The following PHF24 variants were observed in gnomAD, a reference collection of about 807,000 sequenced individuals.
PHF24 encodes the protein Galpha inhibitory interacting protein.
A neutral mutation model predicts 42.6 loss-of-function variants in PHF24; 25 were observed. That is an observed-to-expected ratio of 0.59 (90% CI 0.43 to 0.82). PHF24 has a LOEUF of 0.82. Among genes scored for constraint, PHF24 ranks in the 40% least tolerant of loss-of-function variants. PHF24 has a pLI of 0.00. For synonymous variants in PHF24, 185 were observed against 204.8 expected (o/e 0.90, Z 0.83); for missense variants, 470 against 538.1 (o/e 0.87, Z 1.25).
chr9:34,698,448 G>A, the PHF24 span, among the ~76,000 whole-genome samples: 1 of 152,158 alleles, frequency 6.6e-6, no homozygotes, highest in Non-Finnish European at 1.5e-5. Flanking sequence ...ATGTACTACT[G>A]CAAAATGGCT....
At chr9:34,727,924 CA>C in the PHF24 span, 2 of 1,141,484 alleles carry the variant, frequency 1.8e-6, no homozygotes, top group African/African-American at 1.6e-5. Flanking sequence ...GTCTCCCTCC[CA>C]GCCATTATCT....
At chr9:34,715,995 A>C in the PHF24 span, among the ~76,000 whole-genome samples, 106 of 152,308 alleles carry the variant, frequency 7.0e-4, 2 homozygotes, top group South Asian at 0.022. Context: ...ATTTCAGCTC[A>C]AGGGCTAGGC....
intron 1 of PHF24, among the ~76,000 whole-genome samples, chr9:34,968,777 T>C (rs1296345473): frequency 1.3e-5 from 2 of 152,244 alleles, no homozygotes; most frequent in Non-Finnish European, 2.9e-5. Context: ...TCTATTCTGT[T>C]AGATGCTTAA....
chr9:34,863,333 G>T, the PHF24 span, among the ~76,000 whole-genome samples: 1 of 152,066 alleles, frequency 6.6e-6, no homozygotes, highest in Non-Finnish European at 1.5e-5. Flanking sequence ...ACCCAGTGCC[G>T]TGGTGGCTTC....
chr9:34,718,079 A>G, the PHF24 span, among the ~76,000 whole-genome samples: 1 of 152,150 alleles, frequency 6.6e-6, no homozygotes, highest in East Asian at 1.9e-4. Flanking sequence ...ATTTACCGCA[A>G]GGAGGGCTTC....
chr9:34,977,129 G>A (rs574066187), exon 6 of PHF24: 12 of 1,613,154 alleles, frequency 7.4e-6, no homozygotes, highest in East Asian at 2.2e-5. Flanking sequence ...GAGCGAGCCC[G>A]AGCCGCCTTC....
chr9:34,771,664 G>A, the PHF24 span, among the ~76,000 whole-genome samples: 1 of 151,004 alleles, frequency 6.6e-6, no homozygotes, highest in African/African-American at 2.4e-5. Context: ...ATGTGTAGAT[G>A]TGTGTAACCA....
intron 1 of PHF24, among the ~76,000 whole-genome samples, chr9:34,962,078 C>T (rs1043772169): frequency 6.6e-6 from 1 of 152,206 alleles, no homozygotes; most frequent in Non-Finnish European, 1.5e-5. Context: ...ACTCACTGGT[C>T]AGCGCTGGAA....
At chr9:34,680,705 A>C in the PHF24 span, among the ~76,000 whole-genome samples, 1 of 64,494 alleles carries the variant, frequency 1.6e-5, no homozygotes, top group Non-Finnish European at 3.7e-5. Flanking sequence ...AAAATAAATA[A>C]ATAAAAAAAA....
chr9:34,692,726 G>A, the PHF24 span, among the ~76,000 whole-genome samples: 1 of 151,696 alleles, frequency 6.6e-6, no homozygotes, highest in East Asian at 1.9e-4. Context: ...CCTGAGTAAA[G>A]CCCTTAGCTT....
At chr9:34,725,101 A>G in the PHF24 span, 2 of 1,549,982 alleles carry the variant, frequency 1.3e-6, no homozygotes, top group African/African-American at 2.7e-5. Context: ...GAATGCAGGG[A>G]AAAGGAGCCA....
the PHF24 span, among the ~76,000 whole-genome samples, chr9:34,812,742 C>G: frequency 6.6e-6 from 1 of 152,234 alleles, no homozygotes; most frequent in Non-Finnish European, 1.5e-5. Flanking sequence ...AAACCCTTTG[C>G]TTTCCCCAGT....
chr9:34,961,949 G>GC (rs1826602056), intron 1 of PHF24, among the ~76,000 whole-genome samples: 2 of 152,204 alleles, frequency 1.3e-5, no homozygotes, highest in Admixed American at 1.3e-4. Context: ...TTGTATGTTT[G>GC]TTTTTTTGAG....
At chr9:34,936,429 C>T in the PHF24 span, among the ~76,000 whole-genome samples, 4 of 152,168 alleles carry the variant, frequency 2.6e-5, no homozygotes, top group African/African-American at 9.7e-5. Context: ...CAACCTCCAC[C>T]TCTCAGCCGC....
the PHF24 span, among the ~76,000 whole-genome samples, chr9:34,950,177 G>A: frequency 9.2e-5 from 14 of 151,768 alleles, no homozygotes; most frequent in South Asian, 6.3e-4. Context: ...GTGAAACCCC[G>A]TCTCTACTAA....
At chr9:34,967,169 C>G (rs1337290627) in intron 1 of PHF24, among the ~76,000 whole-genome samples, 1 of 152,174 alleles carries the variant, frequency 6.6e-6, no homozygotes, top group Non-Finnish European at 1.5e-5. Context: ...CACACAGACT[C>G]CTAAGAGAAG....
At chr9:34,680,803 A>G in the PHF24 span, 4 of 148,670 alleles carry the variant, frequency 2.7e-5, no homozygotes, top group Admixed American at 2.0e-4. Context: ...TACTGACTGT[A>G]ACTTTTATCC....
At chr9:34,840,609 A>G in the PHF24 span, among the ~76,000 whole-genome samples, 1 of 151,738 alleles carries the variant, frequency 6.6e-6, no homozygotes, top group Non-Finnish European at 1.5e-5. Flanking sequence ...AGCTCACTGC[A>G]GCCTCTAACT....
At chr9:34,713,038 G>T in the PHF24 span, among the ~76,000 whole-genome samples, 2 of 152,162 alleles carry the variant, frequency 1.3e-5, no homozygotes, top group South Asian at 4.1e-4. Context: ...TTACAGTGTG[G>T]TATCTCTAGA....
Sources: allele counts gnomAD v4.1 joint callset (sites outside exome capture counted in the v4.1 genomes callset), GRCh38; gene constraint gnomAD v4.1.1; transcripts MANE v1.5; gene names NCBI Gene and HGNC (gene_info 2026-07-23, HGNC 2026-07-21).